Variants in DDX60L observed in about 807,000 individuals in gnomAD.
The protein encoded by DDX60L is probable ATP-dependent RNA helicase DDX60-like.
In DDX60L, 191 loss-of-function variants were observed where a neutral mutation model predicts 211.6. That is an observed-to-expected ratio of 0.90 (90% confidence interval 0.80 to 1.02). The LOEUF is 1.02. DDX60L is among the 50% of genes least tolerant of loss of function. The probability of loss-of-function intolerance (pLI) is 0.00; values close to 1 mark genes in which losing one functional copy is unlikely to be tolerated. For missense variants in DDX60L, 2,007 were observed against 1,984.1 expected (o/e 1.01, Z -0.22); for synonymous variants, 706 against 694.1 (o/e 1.02, Z -0.27).
intron 10 of DDX60L, among the ~76,000 whole-genome samples, chr4:168,436,227 C>G (rs1311867394): frequency 1.3e-5 from 2 of 152,194 alleles, no homozygotes; most frequent in East Asian, 3.8e-4. Flanking sequence ...CAGGCTGACA[C>G]GATTGCAGGC....
intron 9 of DDX60L, 131 bp from the exon 10 acceptor site, chr4:168,441,623 C>T: frequency 1.2e-5 from 8 of 677,180 alleles, no homozygotes; most frequent in Non-Finnish European, 1.9e-5. Flanking sequence ...GTGAGTTACA[C>T]AATACACTTG....
chr4:168,477,583 C>T (rs548504793), intron 1 of DDX60L, among the ~76,000 whole-genome samples: 6 of 152,264 alleles, frequency 3.9e-5, no homozygotes, highest in African/African-American at 1.4e-4. Context: ...TAATTTTCAT[C>T]CTCATCTTAG....
chr4:168,409,721 A>G (rs1748349075), intron 22 of DDX60L, among the ~76,000 whole-genome samples: 1 of 152,204 alleles, frequency 6.6e-6, no homozygotes, highest in Non-Finnish European at 1.5e-5. Context: ...AGTAATTTCC[A>G]TTTAATTCCT....
intron 36 of DDX60L, among the ~76,000 whole-genome samples, chr4:168,367,901 G>A (rs536901855): frequency 5.9e-5 from 9 of 152,320 alleles, no homozygotes; most frequent in South Asian, 4.1e-4. Context: ...TAGGGTACCT[G>A]GAGAAAGAAA....
At chr4:168,447,889 G>GA (rs1158503540) in intron 9 of DDX60L, among the ~76,000 whole-genome samples, 1 of 109,708 alleles carries the variant, frequency 9.1e-6, no homozygotes, top group Non-Finnish European at 1.8e-5. Context: ...GGGGTGGGGG[G>GA]AGGGGGGAGG....
chr4:168,394,087 C>T (rs1464291114), intron 28 of DDX60L, among the ~76,000 whole-genome samples: 2 of 151,760 alleles, frequency 1.3e-5, no homozygotes, highest in East Asian at 1.9e-4. Flanking sequence ...CCCAGCTACA[C>T]GGGACGGCTA....
intron 10 of DDX60L, among the ~76,000 whole-genome samples, chr4:168,434,739 T>C (rs1752812044): frequency 6.6e-6 from 1 of 152,188 alleles, no homozygotes; most frequent in African/African-American, 2.4e-5. Flanking sequence ...AAGATGGGCA[T>C]TCCACTAAAT....
At chr4:168,450,384 C>G (rs1056147532) in intron 8 of DDX60L, among the ~76,000 whole-genome samples, 1 of 151,890 alleles carries the variant, frequency 6.6e-6, no homozygotes, top group African/African-American at 2.4e-5. Flanking sequence ...ACTGGCTTCC[C>G]CCTACCCACC....
intron 12 of DDX60L, 30 bp downstream of exon 12, chr4:168,432,425 G>A: frequency 7.7e-7 from 1 of 1,303,488 alleles, no homozygotes; most frequent in Non-Finnish European, 1.0e-6. Context: ...ATTCATATAA[G>A]CTCTATTTTA....
chr4:168,358,527 T>TC (rs1443337047), intron 37 of DDX60L, among the ~76,000 whole-genome samples: 125 of 13,744 alleles, frequency 9.1e-3, no homozygotes, highest in African/African-American at 0.014. Context: ...TCTTTTTCTT[T>TC]TTTTTTTTTT....
chr4:168,472,593 G>T lies in DDX60L; in HGVS notation c.5-69C>A, dbSNP rs893478319. 7 of 1,573,760 alleles carry T rather than the reference G, an allele frequency of 4.4e-6. No individual in the cohort carries two copies. The African/African-American group carries it at 9.5e-5, about 21-fold the overall frequency. On this transcript the variant is annotated intron_variant, in intron 2 of 37. Coordinates refer to ENST00000682922, the MANE Select transcript of DDX60L (RefSeq NM_001012967.3). ...GCTATATAATTTAGTAATTATTAAGGAAATGAAATATAGACATCCAATTAC... is the reference window on the plus strand; with the variant it reads ...GCTATATAATTTAGTAATTATTAAGTAAATGAAATATAGACATCCAATTAC...
intron 5 of DDX60L, among the ~76,000 whole-genome samples, chr4:168,460,716 A>T (rs1177963777): frequency 6.6e-6 from 1 of 152,136 alleles, no homozygotes; most frequent in Non-Finnish European, 1.5e-5. Context: ...TTCTGACACT[A>T]ACTACCCTGG....
chr4:168,480,048 A>G (rs13353710), intron 1 of DDX60L: 57,650 of 150,928 alleles, frequency 0.38, 11,449 homozygotes, highest in African/African-American at 0.49. Context: ...GCTGCCTGTC[A>G]ATGTCCAGGT....
intron 29 of DDX60L, among the ~76,000 whole-genome samples, chr4:168,390,705 C>CATTGTAATATATATATTACATATAT (rs1744657818): frequency 6.6e-6 from 1 of 151,470 alleles, no homozygotes; most frequent in South Asian, 2.1e-4. Flanking sequence ...ATATATATCA[C>CATTGTAATATATATATTACATATAT]ATATAGGATG....
intron 36 of DDX60L, among the ~76,000 whole-genome samples, chr4:168,368,280 A>G (rs532733682): frequency 1.2e-4 from 18 of 152,234 alleles, no homozygotes; most frequent in Non-Finnish European, 2.1e-4. Context: ...TGCTCCAGCC[A>G]TGGCTGAAAA....
At chr4:168,422,400 C>T in intron 16 of DDX60L, 124 bp downstream of exon 16, 1 of 879,258 alleles carries the variant, frequency 1.1e-6, no homozygotes, top group Non-Finnish European at 1.7e-6. Flanking sequence ...ATTCTCCAGG[C>T]ACAGTAGAGG....
intron 9 of DDX60L, among the ~76,000 whole-genome samples, chr4:168,446,031 G>T (rs1377676841): frequency 4.7e-5 from 7 of 149,080 alleles, no homozygotes; most frequent in African/African-American, 1.7e-4. Context: ...TCTGGCCAGG[G>T]CAATTAGGCA....
In DDX60L at chr4:168,423,665, A is replaced by G; in HGVS notation, c.2040T>C (p.Ala680=). 1 of 1,602,098 alleles carries G rather than the reference A, an allele frequency of 6.2e-7. No individual in the cohort carries two copies. Among genetic ancestry groups the G allele is most frequent in the Non-Finnish European group, 8.5e-7 (1 of 1,174,244 alleles). The stretch of plus-strand genomic sequence containing the variant: ...TAAAGCCTAAATATTTAAGGCATTT[A>G]GCTATATATTGATGATGTTCTGCTT... The part of the protein sequence containing the change: ...ILEAEHHQYI[A]KCLKYLGFND... The change falls in exon 15 of 38, where the codon GCT becomes GCC. Residue 680 remains alanine (A), a synonymous_variant. Transcript: ENST00000682922.
At chr4:168,413,438 A>G (rs1749024683) in intron 22 of DDX60L, among the ~76,000 whole-genome samples, 1 of 152,108 alleles carries the variant, frequency 6.6e-6, no homozygotes, top group Non-Finnish European at 1.5e-5. Flanking sequence ...TTATGGCCAC[A>G]TGGGATTTAT....
Sources: allele counts gnomAD v4.1 joint callset (sites outside exome capture counted in the v4.1 genomes callset), GRCh38; gene constraint gnomAD v4.1.1; transcripts MANE v1.5; gene names NCBI Gene and HGNC (gene_info 2026-07-23, HGNC 2026-07-21).